Variants in NLGN1 observed in about 807,000 individuals in gnomAD.
The protein encoded by NLGN1 is neuroligin-1.
A neutral mutation model predicts 65.5 loss-of-function variants in NLGN1; 12 were observed. The observed-to-expected ratio is 0.18, with a 90% CI of 0.12 to 0.30. NLGN1 has a LOEUF of 0.30. Among genes scored for constraint, NLGN1 ranks in the 10% least tolerant of loss-of-function variants. The pLI, the probability that NLGN1 is intolerant of heterozygous loss-of-function variation, is 1.00. For missense variants in NLGN1, 750 were observed against 1,007.1 expected, an observed-to-expected ratio of 0.74 and a Z score of 3.46; for synonymous variants, 350 against 359.5, an observed-to-expected ratio of 0.97 and a Z score of 0.30.
intron 4 of NLGN1, among the ~76,000 whole-genome samples, chr3:174,183,382 A>G (rs1046857119): frequency 1.3e-5 from 2 of 152,086 alleles, no homozygotes; most frequent in African/African-American, 4.8e-5. Context: ...ATCTTTCTTT[A>G]TACCTTCTAC....
At chr3:173,965,938 G>T (rs768964165) in intron 4 of NLGN1, among the ~76,000 whole-genome samples, 32 of 151,980 alleles carry the variant, frequency 2.1e-4, no homozygotes, top group Non-Finnish European at 4.3e-4. Flanking sequence ...ACATCTGTTT[G>T]TGTGTACATT....
At chr3:173,541,665 G>A (rs1738885060) in intron 2 of NLGN1, among the ~76,000 whole-genome samples, 1 of 152,100 alleles carries the variant, frequency 6.6e-6, no homozygotes, top group African/African-American at 2.4e-5. Flanking sequence ...ATCTAAAAAT[G>A]TCTTTATTCA....
At chr3:174,177,811 C>A (rs1729717005) in intron 4 of NLGN1, among the ~76,000 whole-genome samples, 1 of 152,022 alleles carries the variant, frequency 6.6e-6, no homozygotes, top group Non-Finnish European at 1.5e-5. Context: ...AAAGCATAGT[C>A]ATAATTAATA....
At chr3:173,881,518 G>A (rs866102576) in intron 4 of NLGN1, among the ~76,000 whole-genome samples, 4 of 148,260 alleles carry the variant, frequency 2.7e-5, no homozygotes, top group South Asian at 2.1e-4. Flanking sequence ...TCTACCTCCC[G>A]GGTTCACGCC....
intron 4 of NLGN1, among the ~76,000 whole-genome samples, chr3:173,877,249 A>G (rs1444832829): frequency 2.0e-5 from 3 of 152,182 alleles, no homozygotes; most frequent in Admixed American, 2.0e-4. Context: ...AGAAAAGGGC[A>G]CAGGACCTCT....
At chr3:174,179,106 C>A (rs1729939380) in intron 4 of NLGN1, among the ~76,000 whole-genome samples, 1 of 151,998 alleles carries the variant, frequency 6.6e-6, no homozygotes, top group Non-Finnish European at 1.5e-5. Flanking sequence ...TCCAACAATT[C>A]CTGGGCCAAG....
intron 4 of NLGN1, among the ~76,000 whole-genome samples, chr3:174,076,358 C>T (rs563086089): frequency 1.3e-5 from 2 of 151,746 alleles, no homozygotes; most frequent in African/African-American, 2.4e-5. Flanking sequence ...TTGGTTTAGC[C>T]GTTTGAAGAG....
chr3:173,402,174 T>G (rs1371246099), intron 1 of NLGN1, among the ~76,000 whole-genome samples: 1 of 152,152 alleles, frequency 6.6e-6, no homozygotes, highest in Non-Finnish European at 1.5e-5. Flanking sequence ...TGGATTCTGG[T>G]ACAGATGTGT....
chr3:173,730,788 GTCTT>G (rs1772708827), intron 3 of NLGN1, among the ~76,000 whole-genome samples: 1 of 151,952 alleles, frequency 6.6e-6, no homozygotes, highest in African/African-American at 2.4e-5. Context: ...TTATTAAAAG[GTCTT>G]TCTTTTAAAT....
intron 4 of NLGN1, chr3:173,920,828 A>T (rs918104071): frequency 6.6e-6 from 1 of 152,116 alleles, no homozygotes; most frequent in African/African-American, 2.4e-5. Context: ...ACAGAGAGAG[A>T]GAGAGAAAGG....
chr3:173,897,333 A>G (rs1736513131), intron 4 of NLGN1, among the ~76,000 whole-genome samples: 1 of 152,190 alleles, frequency 6.6e-6, no homozygotes, highest in African/African-American at 2.4e-5. Flanking sequence ...TATCCATCCC[A>G]TTAAATTAAG....
intron 3 of NLGN1, among the ~76,000 whole-genome samples, chr3:173,802,087 G>A (rs1715562792): frequency 6.6e-6 from 1 of 151,890 alleles, no homozygotes; most frequent in Non-Finnish European, 1.5e-5. Flanking sequence ...TTAGGCAAAG[G>A]GTTAAAATAC....
At chr3:173,487,292 C>A (rs1195040352) in intron 2 of NLGN1, among the ~76,000 whole-genome samples, 1 of 151,444 alleles carries the variant, frequency 6.6e-6, no homozygotes, top group Non-Finnish European at 1.5e-5. Context: ...TTTTCTAAGC[C>A]TTGGTTTGGG....
At chr3:173,683,367 T>C (rs982324878) in intron 3 of NLGN1, among the ~76,000 whole-genome samples, 4 of 152,142 alleles carry the variant, frequency 2.6e-5, no homozygotes, top group African/African-American at 9.7e-5. Flanking sequence ...AGTGCTGGTA[T>C]TATCTTTCTG....
At chr3:173,534,376 T>A (rs1737102516) in intron 2 of NLGN1, among the ~76,000 whole-genome samples, 1 of 152,206 alleles carries the variant, frequency 6.6e-6, no homozygotes, top group Non-Finnish European at 1.5e-5. Flanking sequence ...CTATATATTA[T>A]CAAATTCATT....
intron 2 of NLGN1, among the ~76,000 whole-genome samples, chr3:173,597,954 A>G (rs542635892): frequency 3.9e-5 from 6 of 152,202 alleles, no homozygotes; most frequent in African/African-American, 1.2e-4. Context: ...TTGTTATTAT[A>G]TCTGATTAGA....
rs977321370 is a variant in NLGN1, at chr3:173,539,805, T to C, written c.-320-64474T>C. 2.3e-3 allele frequency among the ~76,000 whole-genome samples: 289 copies of C among 127,060 alleles called. 2 individuals are homozygous for C. The highest frequency in any genetic ancestry group is 7.7e-3 in the African/African-American group (260 of 33,700). 83.4% of individuals were successfully genotyped at this position (127,060 alleles called of 152,430 possible). A position where few individuals can be genotyped will look rare whatever the true frequency, so the allele number is the denominator to read the frequency against. On this transcript the variant is annotated intron_variant, in intron 2 of 6. Transcript: ENST00000457714. ...ATATATGTACATATATACATATATATACATATATACATATGTTATATATGT... is the reference window on the plus strand; with the variant it reads ...ATATATGTACATATATACATATATACACATATATACATATGTTATATATGT...
At chr3:174,123,421 CTTTTG>C (rs1432106176) in intron 4 of NLGN1, among the ~76,000 whole-genome samples, 1 of 152,014 alleles carries the variant, frequency 6.6e-6, no homozygotes, top group African/African-American at 2.4e-5. Context: ...TTTTGTTTAC[CTTTTG>C]TTTTGTTTAC....
At chr3:173,873,922 CTCTA>C (rs1731650007) in intron 4 of NLGN1, among the ~76,000 whole-genome samples, 1 of 151,986 alleles carries the variant, frequency 6.6e-6, no homozygotes, top group Non-Finnish European at 1.5e-5. Context: ...TATGTGTAGG[CTCTA>C]ATCCCATATG....
Sources: allele counts gnomAD v4.1 joint callset (sites outside exome capture counted in the v4.1 genomes callset), GRCh38; gene constraint gnomAD v4.1.1; transcripts MANE v1.5; gene names NCBI Gene and HGNC (gene_info 2026-07-23, HGNC 2026-07-21).